The following AADAC variants were observed in gnomAD, a reference collection of about 807,000 sequenced individuals.
The protein encoded by AADAC is arylacetamide deacetylase, also known as arylacetamide deacetylase (esterase).
In AADAC, 17 loss-of-function variants were observed where a neutral mutation model predicts 22.7. The ratio of observed to expected loss-of-function variants is 0.75; its 90% CI spans 0.51 to 1.12. AADAC has a LOEUF of 1.12. AADAC is among the 50% of genes most tolerant of loss of function. The pLI, the probability that AADAC is intolerant of heterozygous loss-of-function variation, is 0.00. For synonymous variants in AADAC, 167 were observed against 176.3 expected (o/e 0.95, Z 0.42); for missense variants, 465 against 473.9 (o/e 0.98, Z 0.17).
intron 4 of AADAC, among the ~76,000 whole-genome samples, chr3:151,826,830 C>T (rs1576646465): frequency 6.6e-6 from 1 of 151,918 alleles, no homozygotes; most frequent in African/African-American, 2.4e-5. Flanking sequence ...AGTAACATGT[C>T]GCTTTAGCAT....
At chr3:151,818,469 G>GAT (rs1035514234) in intron 2 of AADAC, among the ~76,000 whole-genome samples, 19 of 152,016 alleles carry the variant, frequency 1.2e-4, no homozygotes, top group African/African-American at 3.9e-4. Flanking sequence ...TCCTGAACCA[G>GAT]AATAGGTTCA....
At chr3:151,825,122 A>G (rs900077513) in intron 4 of AADAC, among the ~76,000 whole-genome samples, 1 of 151,580 alleles carries the variant, frequency 6.6e-6, no homozygotes, top group Non-Finnish European at 1.5e-5. Flanking sequence ...CTGCAATCCC[A>G]GCGCTCTGGG....
intron 2 of AADAC, among the ~76,000 whole-genome samples, chr3:151,819,548 T>C (rs1716144528): frequency 6.6e-6 from 1 of 151,674 alleles, no homozygotes; most frequent in East Asian, 1.9e-4. Flanking sequence ...GAAATGAGAG[T>C]TAAGTAGGAG....
Position 151,817,501 on chromosome 3 carries a change from C to G in AADAC, c.274C>G (p.Arg92Gly), listed in dbSNP as rs760383318. 4.3e-6 allele frequency: 7 copies of G among 1,613,610 alleles called. No individual in the cohort carries two copies. The highest frequency in any genetic ancestry group is 2.7e-5 in the African/African-American group (2 of 74,896). ...GACAAAATTCAACAACATTCTTGTT[C>G]GGGTATATGTGCCAAAGAGAAAGTC... ...TETKFNNILVRVYVPKRKSEA... is the reference protein window; with the variant it reads ...TETKFNNILVGVYVPKRKSEA... The change falls in exon 2 of 5, where the codon CGG becomes GGG. Residue 92 changes from arginine (R) to glycine (G), a missense_variant. Transcript: ENST00000232892.
intron 3 of AADAC, among the ~76,000 whole-genome samples, chr3:151,821,045 T>C (rs1576643154): frequency 6.6e-6 from 1 of 151,784 alleles, no homozygotes; most frequent in Admixed American, 6.6e-5. Context: ...TATAATTACC[T>C]GGACGGTATT....
At position 151,824,787 on chromosome 3, in the gene AADAC, T is replaced by G. The variant is rs369720545; in HGVS notation, c.556T>G (p.Ser186Ala). The G allele has an allele frequency of 4.9e-5, 79 of 1,606,568 alleles. 1 individual carries two copies. Among genetic ancestry groups the G allele is most frequent in the Non-Finnish European group, 6.5e-5 (77 of 1,176,508 alleles). Residue 186 changes from serine (S) to alanine (A), a missense_variant, in exon 4 of 5, where the codon TCT becomes GCT. Physicochemically the swap from Ser to Ala is moderately conservative, Grantham distance 99. Coordinates refer to ENST00000232892, the MANE Select transcript of AADAC (RefSeq NM_001086.3). ...TGTGAACCCTGAGAGAATCGGTATT[T>G]CTGGAGATAGTGCAGGAGGGAATTT... ...YGVNPERIGI[S>A]GDSAGGNLAA...
chr3:151,819,026 T>C (rs879926404), intron 2 of AADAC, among the ~76,000 whole-genome samples: 12 of 151,952 alleles, frequency 7.9e-5, no homozygotes, highest in Non-Finnish European at 1.6e-4. Flanking sequence ...AATAAATTAG[T>C]CCTGAAAAGA....
intron 2 of AADAC, among the ~76,000 whole-genome samples, chr3:151,818,521 G>C (rs1248224351): frequency 6.6e-6 from 1 of 151,966 alleles, no homozygotes; most frequent in Non-Finnish European, 1.5e-5. Context: ...AAGAGTTATA[G>C]GTAGAAAAAG....
At position 151,827,659 on chromosome 3, in the gene AADAC, A is replaced by C. The variant is rs151039277; in HGVS notation, c.687A>C (p.Leu229Phe). 15 of 1,612,378 alleles carry C rather than the reference A, an allele frequency of 9.3e-6. No individual in the cohort carries two copies. The highest frequency in any genetic ancestry group is 1.2e-5 in the Non-Finnish European group (14 of 1,178,936). The change falls in exon 5 of 5, where the codon TTA (leucine) becomes TTC (phenylalanine). Residue 229 changes from leucine (L) to phenylalanine (F), a missense_variant. Coordinates refer to ENST00000232892, the MANE Select transcript of AADAC (RefSeq NM_001086.3). ...YPALQPLDVD[L>F]PSYQENSNFL... Reference sequence around the variant, plus strand: ...CCCTTCAGCCTCTTGATGTAGATTTACCGTCATATCAAGAAAATTCAAATT... The same window carrying C: ...CCCTTCAGCCTCTTGATGTAGATTTCCCGTCATATCAAGAAAATTCAAATT...
At chr3:151,826,303 G>C (rs1201741942) in intron 4 of AADAC, among the ~76,000 whole-genome samples, 1 of 151,896 alleles carries the variant, frequency 6.6e-6, no homozygotes, top group Non-Finnish European at 1.5e-5. Flanking sequence ...TGGAGATGCA[G>C]TAATTTCTAG....
intron 2 of AADAC, among the ~76,000 whole-genome samples, chr3:151,819,741 T>C (rs1029020104): frequency 9.9e-5 from 15 of 151,736 alleles, no homozygotes; most frequent in Admixed American, 9.2e-4. Context: ...TGGATATAGA[T>C]AGGAAGGTTG....
chr3:151,818,534 A>G (rs1716098314), intron 2 of AADAC, among the ~76,000 whole-genome samples: 1 of 151,986 alleles, frequency 6.6e-6, no homozygotes, highest in Admixed American at 6.6e-5. Flanking sequence ...AGAAAAAGGA[A>G]AGTGACATTC....
In AADAC at chr3:151,828,172, G is replaced by A. The variant is rs745824733; in HGVS notation, c.1200G>A (p.Ter400=). Residue 400 remains the stop codon, a stop_retained_variant, in exon 5 of 5, where the codon TAG becomes TAA. Transcript: ENST00000232892. The stretch of plus-strand genomic sequence containing the variant: ...TTGAGTGGCTAAAGGAAAATCTATA[G>A]TAAAACATGTAGCTATAACATATTT... The part of the protein sequence containing the change: ...QYIEWLKENL[*] 1.3e-6 allele frequency: 2 copies of A among 1,482,802 alleles called. No individual in the cohort carries two copies. The highest frequency in any genetic ancestry group is 1.3e-5 in the South Asian group (1 of 75,146). 91.9% of individuals were successfully genotyped at this position (1,482,802 alleles called of 1,614,324 possible).
intron 1 of AADAC, 101 bp downstream of exon 1, chr3:151,814,401 C>T: frequency 8.0e-7 from 1 of 1,254,966 alleles, no homozygotes; most frequent in Non-Finnish European, 1.1e-6. Flanking sequence ...TTGACTTATT[C>T]ATCTTTTAAA....
chr3:151,821,259 G>A (rs1716244342), intron 3 of AADAC, among the ~76,000 whole-genome samples: 1 of 151,882 alleles, frequency 6.6e-6, no homozygotes, highest in Non-Finnish European at 1.5e-5. Context: ...TTAAAATATA[G>A]CGTATAGTTT....
At chr3:151,820,266 A>T in intron 2 of AADAC, 117 bp from the exon 3 acceptor site, 1 of 568,840 alleles carries the variant, frequency 1.8e-6, no homozygotes, top group Non-Finnish European at 2.9e-6. Context: ...CTCGTATTTT[A>T]AGGTAAAATA....
At position 151,826,713 on chromosome 3, in the gene AADAC, C is replaced by A. The variant is rs540605088; in HGVS notation, c.604-863C>A. On this transcript the variant is annotated intron_variant, in intron 4 of 4. Coordinates refer to ENST00000232892, the MANE Select transcript of AADAC (RefSeq NM_001086.3). ...TTTTTCCTCCCTGGTATTGGTATATCCCTCTTTACAGACCACTGATTATTA... is the reference window on the plus strand; with the variant it reads ...TTTTTCCTCCCTGGTATTGGTATATACCTCTTTACAGACCACTGATTATTA... Among the ~76,000 whole-genome samples the A allele has an allele frequency of 1.1e-4, 17 of 151,848 alleles. No individual in the cohort carries two copies. The South Asian group carries it at 3.5e-3, about 32-fold the overall frequency.
intron 3 of AADAC, among the ~76,000 whole-genome samples, chr3:151,820,921 T>C (rs1378327468): frequency 6.6e-6 from 1 of 150,802 alleles, no homozygotes; most frequent in Admixed American, 6.6e-5. Flanking sequence ...CTTAACCTGA[T>C]TAGAGTTGAG....
chr3:151,827,363 T>A (rs1245305853), intron 4 of AADAC, among the ~76,000 whole-genome samples: 1 of 152,036 alleles, frequency 6.6e-6, no homozygotes. Context: ...TTTCCTTAAG[T>A]TGAAAATATT....
Sources: allele counts gnomAD v4.1 joint callset (sites outside exome capture counted in the v4.1 genomes callset), GRCh38; gene constraint gnomAD v4.1.1; transcripts MANE v1.5; gene names NCBI Gene and HGNC (gene_info 2026-07-23, HGNC 2026-07-21).